The following AMZ1 variants were observed in gnomAD, a reference collection of about 807,000 sequenced individuals.
AMZ1 encodes archaemetzincin-1.
Under a neutral mutation model 29.9 loss-of-function variants are expected in AMZ1, and 39 were observed. That is an observed-to-expected ratio of 1.30 (90% CI 1.01 to 1.70). The LOEUF (loss-of-function observed/expected upper bound fraction) is 1.70, where lower values mean the gene tolerates loss of function less well. Ranked by LOEUF, AMZ1 falls within the 40% of genes most tolerant of loss-of-function variation. The pLI, the probability that AMZ1 is intolerant of heterozygous loss-of-function variation, is 0.00. For missense variants in AMZ1, 1,041 were observed against 680.6 expected, an observed-to-expected ratio of 1.53 and a Z score of -5.89; for synonymous variants, 458 against 304.0, an observed-to-expected ratio of 1.51 and a Z score of -5.27.
intron 4 of AMZ1, among the ~76,000 whole-genome samples, chr7:2,747,259 C>G (rs1260343837): frequency 6.6e-6 from 1 of 152,120 alleles, no homozygotes; most frequent in Non-Finnish European, 1.5e-5. Context: ...AACATTGATG[C>G]AAAAATCCTC....
At chr7:2,738,108 G>C (rs1238333551) in intron 4 of AMZ1, among the ~76,000 whole-genome samples, 1 of 152,104 alleles carries the variant, frequency 6.6e-6, no homozygotes, top group Non-Finnish European at 1.5e-5. Context: ...ATTGTTTGTT[G>C]CTAATTTATC....
chr7:2,730,232 G>A (rs1583200575), intron 4 of AMZ1: 1 of 152,430 alleles, frequency 6.6e-6, no homozygotes, highest in East Asian at 1.9e-4. Context: ...AGAAGGAAAC[G>A]CTATGTGCTG....
chr7:2,758,119 C>T (rs1791389060), intron 4 of AMZ1, among the ~76,000 whole-genome samples: 1 of 152,088 alleles, frequency 6.6e-6, no homozygotes, highest in African/African-American at 2.4e-5. Context: ...ATGGAAAGCC[C>T]CTCTATTTTT....
chr7:2,743,225 C>T (rs1790598519), intron 4 of AMZ1, among the ~76,000 whole-genome samples: 2 of 152,200 alleles, frequency 1.3e-5, no homozygotes, highest in South Asian at 4.1e-4. Context: ...GTGATCTAAG[C>T]AACCACCAGC....
chr7:2,708,546 C>G (rs1218122621), intron 3 of AMZ1, 42 bp from the exon 4 acceptor site: 1 of 1,607,506 alleles, frequency 6.2e-7, no homozygotes, highest in Admixed American at 1.7e-5. Flanking sequence ...ATGGGGGTCC[C>G]CGGCTGCCTC....
chr7:2,733,298 G>A (rs544778441), intron 4 of AMZ1, among the ~76,000 whole-genome samples: 2 of 152,178 alleles, frequency 1.3e-5, no homozygotes, highest in Non-Finnish European at 2.9e-5. Flanking sequence ...ATCCAAGTGA[G>A]AGCGTGCCAT....
intron 4 of AMZ1, among the ~76,000 whole-genome samples, chr7:2,749,469 C>A (rs1046742168): frequency 2.1e-5 from 3 of 142,334 alleles, no homozygotes; most frequent in African/African-American, 8.0e-5. Context: ...AATGACAACA[C>A]ATGGACACGG....
At chr7:2,734,501 G>A (rs940716957) in intron 4 of AMZ1, among the ~76,000 whole-genome samples, 1 of 152,186 alleles carries the variant, frequency 6.6e-6, no homozygotes, top group African/African-American at 2.4e-5. Flanking sequence ...GCTGACGCAG[G>A]AGAATTTTAA....
intron 3 of AMZ1, among the ~76,000 whole-genome samples, chr7:2,705,727 T>G (rs1248526547): frequency 6.6e-6 from 1 of 152,188 alleles, no homozygotes; most frequent in Non-Finnish European, 1.5e-5. Context: ...GCATGTTTCT[T>G]TGTCCTGGCC....
chr7:2,693,713 G>A (rs937546668), intron 1 of AMZ1, among the ~76,000 whole-genome samples: 6 of 152,108 alleles, frequency 3.9e-5, no homozygotes, highest in African/African-American at 7.2e-5. Context: ...CCGCCACCAC[G>A]CCTGGCTAAT....
chr7:2,685,559 C>CA (rs56989894), upstream of AMZ1, among the ~76,000 whole-genome samples: 155 of 118,684 alleles, frequency 1.3e-3, no homozygotes, highest in Middle Eastern at 0.013. Context: ...GACTCCGTCT[C>CA]AAAAAAAAAA....
chr7:2,695,569 TG>T lies in AMZ1; in HGVS notation c.-218-4662del, dbSNP rs1239668341. Among the ~76,000 whole-genome samples the T allele has an allele frequency of 2.0e-3, 33 of 16,848 alleles. No individual in the cohort carries two copies. The East Asian group carries it at 0.12, about 61-fold the overall frequency. 11.1% of individuals were successfully genotyped at this position (16,848 alleles called of 152,430 possible). A position where few individuals can be genotyped will look rare whatever the true frequency, so the allele number is the denominator to read the frequency against. ...CTTCTCTACAAAAAAAAAAATTGAC[TG>T]GGCGTGTTGGTACATGTCCGTAGTC... On this transcript the variant is annotated intron_variant, in intron 1 of 6. Coordinates refer to ENST00000683327, the MANE Select transcript of AMZ1 (RefSeq NM_001384743.1).
In AMZ1 at chr7:2,696,295, C is replaced by T. The variant is rs545370515; in HGVS notation, c.-218-3939C>T. Among the ~76,000 whole-genome samples the T allele has an allele frequency of 5.6e-3, 764 of 137,394 alleles. 5 individuals carry two copies. The highest frequency in any genetic ancestry group is 0.015 in the African/African-American group (568 of 36,722). The allele number at this position is 137,394 out of a possible 152,430, so 90.1% of individuals were successfully genotyped here. On this transcript the variant is annotated intron_variant, in intron 1 of 6. Coordinates refer to ENST00000683327, the MANE Select transcript of AMZ1 (RefSeq NM_001384743.1). Reference sequence around the variant, plus strand: ...TTTTTGAGATGGAGTCTCGCTCTGTCACCCAGGCTGGAGTGCAGTGGTGCG... The same window carrying T: ...TTTTTGAGATGGAGTCTCGCTCTGTTACCCAGGCTGGAGTGCAGTGGTGCG...
intron 4 of AMZ1, among the ~76,000 whole-genome samples, chr7:2,749,081 A>G (rs1025394099): frequency 7.9e-5 from 12 of 152,310 alleles, no homozygotes; most frequent in Admixed American, 3.9e-4. Context: ...AACTAGTTCA[A>G]CCATTGTGGA....
chr7:2,689,887 C>G (rs902472895), intron 1 of AMZ1, among the ~76,000 whole-genome samples: 4 of 152,132 alleles, frequency 2.6e-5, no homozygotes, highest in East Asian at 1.9e-4. Flanking sequence ...GCTCCCTCCC[C>G]GTGGGTACCC....
rs138200553 is a variant in AMZ1, at chr7:2,709,176, G to A, written c.703G>A (p.Glu235Lys). The A allele has an allele frequency of 4.7e-4, 727 of 1,546,508 alleles. 4 individuals are homozygous for A. In the African/African-American group the frequency reaches 6.0e-3, roughly 13 times the overall value. The change falls in exon 5 of 7, where the codon GAG becomes AAG. Residue 235 changes from glutamate to lysine, a missense_variant. Coordinates refer to ENST00000683327, the MANE Select transcript of AMZ1 (RefSeq NM_001384743.1). Reference sequence around the variant, plus strand: ...GGTAGAGGCAGCAGCAGACGGCCCCGAGGCCCCCCTGCAGGACAGGGGCTG... The same window carrying A: ...GGTAGAGGCAGCAGCAGACGGCCCCAAGGCCCCCCTGCAGGACAGGGGCTG... The part of the protein sequence containing the change: ...ALVEAAADGP[E>K]APLQDRGWAL...
At chr7:2,736,549 G>A (rs1790186901) in intron 4 of AMZ1, among the ~76,000 whole-genome samples, 1 of 152,170 alleles carries the variant, frequency 6.6e-6, no homozygotes, top group African/African-American at 2.4e-5. Flanking sequence ...TCTGTTTCAA[G>A]CAGCAGCAGC....
At chr7:2,760,134 G>A (rs960639523), upstream of AMZ1, among the ~76,000 whole-genome samples, 1 of 152,274 alleles carries the variant, frequency 6.6e-6, no homozygotes, top group Non-Finnish European at 1.5e-5. Flanking sequence ...GACAAAGAGA[G>A]CCCCACGTGA....
At chr7:2,755,601 C>T (rs1791254665) in intron 4 of AMZ1, among the ~76,000 whole-genome samples, 1 of 152,166 alleles carries the variant, frequency 6.6e-6, no homozygotes, top group African/African-American at 2.4e-5. Context: ...ATCTTGTATC[C>T]TGTAGCCTTG....
Sources: gnomAD v4.1 joint callset for allele counts (sites outside exome capture counted in the v4.1 genomes callset) on GRCh38, gnomAD v4.1.1 for gene constraint, MANE v1.5 for transcripts, NCBI Gene and HGNC (gene_info 2026-07-23, HGNC 2026-07-21) for gene names.